Variants in MEGF6 observed in about 807,000 individuals in gnomAD.
MEGF6 encodes the protein multiple EGF like domains 6.
Under a neutral mutation model 207.1 loss-of-function variants are expected in MEGF6, and 184 were observed. The ratio of observed to expected loss-of-function variants is 0.89; its 90% CI spans 0.79 to 1.00. The LOEUF is 1.00. Ranked by LOEUF, MEGF6 falls within the 50% of genes least tolerant of loss-of-function variation. The pLI, the probability that MEGF6 is intolerant of heterozygous loss-of-function variation, is 0.00. For synonymous variants in MEGF6, 1,038 were observed against 910.0 expected, an observed-to-expected ratio of 1.14 and a Z score of -2.53; for missense variants, 2,282 against 2,202.9, an observed-to-expected ratio of 1.04 and a Z score of -0.72.
chr1:3,504,793 ACT>A (rs1466479296), intron 17 of MEGF6, among the ~76,000 whole-genome samples: 3 of 151,410 alleles, frequency 2.0e-5, no homozygotes, highest in Non-Finnish European at 3.0e-5. Flanking sequence ...CACCCAGACC[ACT>A]CTCTGAACCG....
chr1:3,534,276 G>A (rs2101431551), intron 4 of MEGF6, among the ~76,000 whole-genome samples: 1 of 152,342 alleles, frequency 6.6e-6, no homozygotes, highest in East Asian at 1.9e-4. Context: ...TATATGGACT[G>A]CAATGCTGAA....
At chr1:3,617,633 A>G in the MEGF6 span, among the ~76,000 whole-genome samples, 8 of 152,222 alleles carry the variant, frequency 5.3e-5, no homozygotes, top group Admixed American at 2.0e-4. Flanking sequence ...TGAACTTAAA[A>G]CAAAATTTGA....
rs1001334818 is a variant in MEGF6, at chr1:3,501,814, C to T, written c.2296G>A (p.Gly766Arg). The T allele has an allele frequency of 4.3e-6, 7 of 1,609,924 alleles. No individual in the cohort carries two copies. Among genetic ancestry groups the T allele is most frequent in the African/African-American group, 4.0e-5 (3 of 74,758 alleles). The change falls in exon 18 of 37, where the codon GGG (glycine) becomes AGG (arginine). Residue 766 changes from glycine (G) to arginine (R), a missense_variant. Gly to Arg is a moderately radical substitution (Grantham distance 125). Coordinates refer to ENST00000356575, the MANE Select transcript of MEGF6 (RefSeq NM_001409.4). ...GQCRCPPGRT[G>R]EDCEADCPEG... ...CACTCACCTGCCTCACAGTCTTCCCCAGTCCTCCCCGGCGGACACCGGCAC... is the reference window on the plus strand; with the variant it reads ...CACTCACCTGCCTCACAGTCTTCCCTAGTCCTCCCCGGCGGACACCGGCAC...
rs1241463744 is a variant in MEGF6, at chr1:3,501,860, G to A, written c.2250C>T (p.Pro750=). 5 of 1,602,880 alleles carry A rather than the reference G, an allele frequency of 3.1e-6. No individual in the cohort carries two copies. Among genetic ancestry groups the A allele is most frequent in the Admixed American group, 3.4e-5 (2 of 58,120 alleles). The part of the protein sequence containing the change: ...CSSSCSCGGA[P]CHGVTGQCRC... ...GGCACTGCCCCGTGACCCCGTGGCA[G>A]GGGGCCCCCCCACAGGAGCAGGAGC... The change falls in exon 18 of 37, where the codon CCC becomes CCT. Residue 750 remains proline, a synonymous_variant. Coordinates refer to ENST00000356575, the MANE Select transcript of MEGF6 (RefSeq NM_001409.4).
At chr1:3,510,554 A>T (rs1385818005) in intron 10 of MEGF6, among the ~76,000 whole-genome samples, 1 of 149,316 alleles carries the variant, frequency 6.7e-6, no homozygotes, top group Non-Finnish European at 1.5e-5. Context: ...TGAACTCAGC[A>T]GGGGCTCAAC....
chr1:3,554,381 G>A (rs950348606), intron 4 of MEGF6, among the ~76,000 whole-genome samples: 2 of 152,138 alleles, frequency 1.3e-5, no homozygotes, highest in African/African-American at 4.8e-5. Flanking sequence ...CGGGCCAGGC[G>A]GGAGGGGGAC....
At chr1:3,497,678 GGAAGGC>G (rs1640669634) in intron 26 of MEGF6, 1 of 518,934 alleles carries the variant, frequency 1.9e-6, no homozygotes, top group Middle Eastern at 3.5e-4. Context: ...CCCGCCCCAT[GGAAGGC>G]GAAGGAGCCG....
At chr1:3,586,509 A>T (rs1317455889) in intron 3 of MEGF6, among the ~76,000 whole-genome samples, 1 of 151,774 alleles carries the variant, frequency 6.6e-6, no homozygotes, top group Admixed American at 6.6e-5. Context: ...ACTCCATAGG[A>T]GGAGAGACGT....
chr1:3,531,213 C>G, intron 4 of MEGF6: 1 of 1,493,140 alleles, frequency 6.7e-7, no homozygotes, highest in South Asian at 1.3e-5. Flanking sequence ...GGCACCAGAG[C>G]GCGGCCAGCC....
At position 3,579,851 on chromosome 1, in the gene MEGF6, C is replaced by A; in HGVS notation, c.455G>T (p.Gly152Val). 1.3e-6 allele frequency: 2 copies of A among 1,537,414 alleles called. No homozygotes were observed. Among genetic ancestry groups the A allele is most frequent in the Non-Finnish European group, 1.7e-6 (2 of 1,148,302 alleles). The change falls in exon 4 of 37, where the codon GGC becomes GTC. Residue 152 changes from glycine to valine, a missense_variant. By Grantham distance (109) the Gly-to-Val change is moderately radical. Coordinates refer to ENST00000356575, the MANE Select transcript of MEGF6 (RefSeq NM_001409.4). The part of the protein sequence containing the change: ...GSAQPCHCPP[G>V]FQGPRCQYDV... ...ATACTGACAGCGGGGTCCCTGGAAG[C>A]CGGGGGGACAGTGACACGGCTGGGC...
intron 14 of MEGF6, 109 bp from the exon 15 acceptor site, chr1:3,506,345 G>C: frequency 2.2e-6 from 3 of 1,380,628 alleles, no homozygotes; most frequent in Non-Finnish European, 2.9e-6. Context: ...CAGGAGCTGG[G>C]AGCAGCCCCC....
chr1:3,567,495 C>A (rs1364129034), intron 4 of MEGF6, among the ~76,000 whole-genome samples: 1 of 152,126 alleles, frequency 6.6e-6, no homozygotes. Flanking sequence ...CTGCGTGTGG[C>A]GGGGATCCCT....
intron 5 of MEGF6, among the ~76,000 whole-genome samples, chr1:3,516,173 G>C (rs984870752): frequency 6.6e-6 from 1 of 152,250 alleles, no homozygotes; most frequent in African/African-American, 2.4e-5. Context: ...ATGGACTGTG[G>C]GGTCAGGTTG....
intron 4 of MEGF6, among the ~76,000 whole-genome samples, chr1:3,563,198 G>C (rs1199591026): frequency 1.3e-5 from 2 of 152,208 alleles, no homozygotes; most frequent in African/African-American, 4.8e-5. Flanking sequence ...TAGGTAGCCT[G>C]TCCCACCTGC....
chr1:3,559,893 C>A (rs978879793), intron 4 of MEGF6, among the ~76,000 whole-genome samples: 1 of 151,994 alleles, frequency 6.6e-6, no homozygotes, highest in Non-Finnish European at 1.5e-5. Flanking sequence ...TGCCTATAAT[C>A]CCAGCTACTC....
chr1:3,490,614 C>T (rs753529766), intron 36 of MEGF6, 25 bp from the exon 37 acceptor site: 2 of 1,611,196 alleles, frequency 1.2e-6, no homozygotes, highest in South Asian at 2.2e-5. Context: ...AAAAGAGGGC[C>T]AGTCCAGGGT....
intron 5 of MEGF6, among the ~76,000 whole-genome samples, chr1:3,519,116 T>C (rs1641647481): frequency 6.6e-6 from 1 of 152,080 alleles, no homozygotes; most frequent in Non-Finnish European, 1.5e-5. Flanking sequence ...CCCCCTTCCA[T>C]GGACCAGGCT....
chr1:3,538,695 CCTGT>C (rs1384227399), intron 4 of MEGF6, among the ~76,000 whole-genome samples: 3 of 95,466 alleles, frequency 3.1e-5, no homozygotes, highest in African/African-American at 4.7e-5. Flanking sequence ...AGAGCATGTG[CCTGT>C]GTGTGTGTGT....
At chr1:3,612,978 C>G (rs555860555), upstream of MEGF6, among the ~76,000 whole-genome samples, 8 of 152,316 alleles carry the variant, frequency 5.3e-5, no homozygotes, top group South Asian at 1.7e-3. Context: ...GATCCGGGAA[C>G]TGAACATAGG....
Sources: allele counts gnomAD v4.1 joint callset (sites outside exome capture counted in the v4.1 genomes callset), GRCh38; gene constraint gnomAD v4.1.1; transcripts MANE v1.5; gene names NCBI Gene and HGNC (gene_info 2026-07-23, HGNC 2026-07-21).